CRTAC1: variants seen among roughly 807,000 people sequenced by gnomAD.
The protein encoded by CRTAC1 is acidic secreted protein in cartilage.
A neutral mutation model predicts 67.8 loss-of-function variants in CRTAC1; 37 were observed. The observed-to-expected ratio is 0.55, with a 90% CI of 0.42 to 0.72. The LOEUF is 0.72. Ranked by LOEUF, CRTAC1 falls within the 30% of genes least tolerant of loss-of-function variation. CRTAC1 has a pLI of 0.00. For synonymous variants in CRTAC1, 348 were observed against 371.0 expected, an observed-to-expected ratio of 0.94 and a Z score of 0.71; for missense variants, 780 against 931.6, an observed-to-expected ratio of 0.84 and a Z score of 2.12.
intron 3 of CRTAC1, among the ~76,000 whole-genome samples, chr10:97,935,106 CGTAGAGCA>C (rs1056210528): frequency 3.3e-5 from 5 of 152,086 alleles, no homozygotes; most frequent in African/African-American, 1.2e-4. Context: ...TGAGGAAAGC[CGTAGAGCA>C]TCTTGATTAA....
At chr10:97,866,036 A>G (rs2050019582) in intron 14 of CRTAC1, 3 of 327,642 alleles carry the variant, frequency 9.2e-6, no homozygotes, top group Non-Finnish European at 1.7e-5. Flanking sequence ...CCCCTCTCCC[A>G]ACCCTGCGAG....
chr10:98,003,176 C>CAATA (rs1842726211), intron 2 of CRTAC1, among the ~76,000 whole-genome samples: 1 of 152,106 alleles, frequency 6.6e-6, no homozygotes, highest in Admixed American at 6.6e-5. Context: ...CGAAATTACA[C>CAATA]AATAATACAG....
intron 2 of CRTAC1, among the ~76,000 whole-genome samples, chr10:97,990,294 T>C (rs1389655498): frequency 6.6e-6 from 1 of 152,232 alleles, no homozygotes; most frequent in Non-Finnish European, 1.5e-5. Flanking sequence ...TTATAAATGC[T>C]ACTATAGCGC....
intron 3 of CRTAC1, among the ~76,000 whole-genome samples, chr10:97,924,297 C>T (rs75360264): frequency 9.3e-4 from 142 of 152,284 alleles, no homozygotes; most frequent in Non-Finnish European, 1.5e-3. Context: ...TGCAAGACCC[C>T]GAATGTTCGT....
At chr10:97,982,063 TA>T (rs1411523490) in intron 2 of CRTAC1, among the ~76,000 whole-genome samples, 2 of 152,246 alleles carry the variant, frequency 1.3e-5, no homozygotes. Context: ...CTTAGCCTCA[TA>T]AATGGCTACT....
intron 14 of CRTAC1, among the ~76,000 whole-genome samples, chr10:97,874,551 T>A (rs566522176): frequency 6.6e-5 from 10 of 152,270 alleles, no homozygotes; most frequent in African/African-American, 2.4e-4. Flanking sequence ...CCACCACAGG[T>A]GTCCTGGGTG....
intron 6 of CRTAC1, among the ~76,000 whole-genome samples, chr10:97,907,520 A>G (rs1011008239): frequency 5.6e-5 from 8 of 142,486 alleles, no homozygotes; most frequent in Admixed American, 4.5e-4. Context: ...TTTTGTCTAC[A>G]TCTGTTTCTA....
intron 2 of CRTAC1, among the ~76,000 whole-genome samples, chr10:97,996,784 T>C (rs1000178911): frequency 1.3e-5 from 2 of 152,066 alleles, no homozygotes; most frequent in Admixed American, 6.5e-5. Flanking sequence ...CACATGCACA[T>C]GTATGTTTAT....
At chr10:98,000,179 C>T (rs961550095) in intron 2 of CRTAC1, among the ~76,000 whole-genome samples, 1 of 152,186 alleles carries the variant, frequency 6.6e-6, no homozygotes, top group Non-Finnish European at 1.5e-5. Context: ...AATGGCAAGG[C>T]TGAAAGAGCT....
Position 97,865,542 on chromosome 10 carries a change from C to A in CRTAC1, c.*6G>T, listed in dbSNP as rs565111213. Reference sequence around the variant, plus strand: ...CTCCATCCGCTGGTTCATGTCCCACCCCTGCTCAGCAGCTGGGCTCGCAGC... The same window carrying A: ...CTCCATCCGCTGGTTCATGTCCCACACCTGCTCAGCAGCTGGGCTCGCAGC... On this transcript the variant is annotated 3_prime_UTR_variant, in exon 15 of 15. Coordinates refer to ENST00000370597, the MANE Select transcript of CRTAC1 (RefSeq NM_018058.7). 1.2e-6 allele frequency: 2 copies of A among 1,603,882 alleles called. No individual in the cohort carries two copies. The highest frequency in any genetic ancestry group is 2.7e-5 in the African/African-American group (2 of 74,942).
intron 2 of CRTAC1, among the ~76,000 whole-genome samples, chr10:97,953,759 T>C (rs779913814): frequency 1.2e-4 from 19 of 152,194 alleles, no homozygotes; most frequent in Non-Finnish European, 2.1e-4. Context: ...TTGAACTTGT[T>C]TCCTTATTCC....
rs1843350659 is a variant in CRTAC1, at chr10:98,030,474, C to T, written c.-2G>A. ...GCCGGGGTCAGCGCTCGGAGCCATC[C>T]TCCCGCTCTCGGCCCCGCCGCCTAG... On this transcript the variant is annotated 5_prime_UTR_variant, in exon 1 of 15. Transcript: ENST00000370597. The surrounding 1 kb of genome is among the most constrained non-coding windows in gnomAD (Gnocchi z 4.2). 5 of 1,247,916 alleles carry T rather than the reference C, an allele frequency of 4.0e-6. No homozygotes were observed. The highest frequency in any genetic ancestry group is 8.2e-5 in the South Asian group (2 of 24,468). 77.3% of individuals were successfully genotyped at this position (1,247,916 alleles called of 1,614,324 possible).
At chr10:97,964,643 C>T (rs1391432858) in intron 2 of CRTAC1, among the ~76,000 whole-genome samples, 1 of 152,192 alleles carries the variant, frequency 6.6e-6, no homozygotes, top group East Asian at 1.9e-4. Flanking sequence ...GGCTTGCCGA[C>T]CACACAGTGC....
chr10:97,974,308 C>A (rs370748171), intron 2 of CRTAC1, among the ~76,000 whole-genome samples: 6 of 152,158 alleles, frequency 3.9e-5, no homozygotes, highest in South Asian at 2.1e-4. Context: ...AGGCTCCCCC[C>A]CTGCTGCGTA....
At chr10:97,984,739 C>T (rs1000083887) in intron 2 of CRTAC1, among the ~76,000 whole-genome samples, 2 of 152,094 alleles carry the variant, frequency 1.3e-5, no homozygotes, top group African/African-American at 4.8e-5. Flanking sequence ...TGTTTGGGCA[C>T]GTGATGCTCA....
In CRTAC1 at chr10:98,004,560, T is replaced by C. The variant is rs557248809; in HGVS notation, c.224+6578A>G. Reference sequence around the variant, plus strand: ...CATATCCCTGACCCTGCAGTTCCATTTCTTGGTATCCATCCTAAAGAAATA... The same window carrying C: ...CATATCCCTGACCCTGCAGTTCCATCTCTTGGTATCCATCCTAAAGAAATA... On this transcript the variant is annotated intron_variant, in intron 2 of 14. Coordinates refer to ENST00000370597, the MANE Select transcript of CRTAC1 (RefSeq NM_018058.7). 1.7e-4 allele frequency among the ~76,000 whole-genome samples: 26 copies of C among 152,312 alleles called. No homozygotes were observed. The South Asian group carries it at 2.1e-3, about 12-fold the overall frequency.
chr10:98,002,015 G>A (rs1341133907), intron 2 of CRTAC1, among the ~76,000 whole-genome samples: 7 of 152,204 alleles, frequency 4.6e-5, no homozygotes, highest in Non-Finnish European at 8.8e-5. Flanking sequence ...AGGAAGGCCC[G>A]TGGTGCAAGG....
rs540891049 is a variant in CRTAC1 at position 97,960,298 on chromosome 10, C to T, written c.225-23932G>A. Among the ~76,000 whole-genome samples the T allele has an allele frequency of 5.9e-5, 9 of 152,352 alleles. No individual in the cohort carries two copies. In the East Asian group the frequency reaches 1.5e-3, roughly 26 times the overall value. ...AGATGGTCAATAAATTGTAGCCCCT[C>T]TTGTCAGCAGCATCACATATTTGTA... On this transcript the variant is annotated intron_variant, in intron 2 of 14. Transcript: ENST00000370597.
Position 98,011,350 on chromosome 10 carries a change from G to C in CRTAC1, c.25-13C>G. On this transcript the variant is annotated splice_polypyrimidine_tract_variant and intron_variant, in intron 1 of 14. Coordinates refer to ENST00000370597, the MANE Select transcript of CRTAC1 (RefSeq NM_018058.7). ...ACATCCTGGACATCTGAAACCAAAA[G>C]TGACAAATGTTACCGAAAGAACCTG... The C allele has an allele frequency of 6.2e-7, 1 of 1,613,162 alleles. No individual in the cohort carries two copies. Among genetic ancestry groups the C allele is most frequent in the South Asian group, 1.1e-5 (1 of 91,026 alleles).
Sources: gnomAD v4.1 joint callset for allele counts (sites outside exome capture counted in the v4.1 genomes callset) on GRCh38, gnomAD v4.1.1 for gene constraint, Gnocchi (gnomAD v3.1) non-coding constraint, MANE v1.5 for transcripts, NCBI Gene and HGNC (gene_info 2026-07-23, HGNC 2026-07-21) for gene names.